The following CTNNA2 variants were observed in gnomAD, a reference collection of about 807,000 sequenced individuals.
The protein encoded by CTNNA2 is catenin alpha-2.
In CTNNA2, 42 loss-of-function variants were observed where a neutral mutation model predicts 101.0. The ratio of observed to expected loss-of-function variants is 0.42; its 90% CI spans 0.32 to 0.54. The LOEUF (loss-of-function observed/expected upper bound fraction) is 0.54, where lower values mean the gene tolerates loss of function less well. Among genes scored for constraint, CTNNA2 ranks in the 20% least tolerant of loss-of-function variants. The pLI is 0.14. For synonymous variants in CTNNA2, 450 were observed against 456.4 expected, an observed-to-expected ratio of 0.99 and a Z score of 0.18; for missense variants, 871 against 1,223.1, an observed-to-expected ratio of 0.71 and a Z score of 4.29.
chr2:79,706,469 A>G (rs11902209), intron 2 of CTNNA2, among the ~76,000 whole-genome samples: 83,121 of 151,462 alleles, frequency 0.55, 23,171 homozygotes, highest in East Asian at 0.82. Context: ...ACCTTTCACC[A>G]ACAAAGATTC....
intron 7 of CTNNA2, among the ~76,000 whole-genome samples, chr2:80,192,477 A>C (rs140639838): frequency 7.9e-5 from 12 of 152,190 alleles, no homozygotes; most frequent in African/African-American, 2.9e-4. Flanking sequence ...CTGATTAATG[A>C]GAATAGTAAA....
chr2:80,220,579 TAAGAA>T (rs942453357), intron 7 of CTNNA2, among the ~76,000 whole-genome samples: 11 of 152,146 alleles, frequency 7.2e-5, no homozygotes, highest in African/African-American at 2.7e-4. Flanking sequence ...ATTAAAGAGT[TAAGAA>T]AAGATTCCTT....
intron 4 of CTNNA2, among the ~76,000 whole-genome samples, chr2:79,865,819 A>G (rs955662089): frequency 1.3e-5 from 2 of 152,222 alleles, no homozygotes; most frequent in African/African-American, 4.8e-5. Context: ...TCCCGGGTTC[A>G]TGCCATTCTG....
At chr2:80,380,711 G>A (rs2149348455) in intron 7 of CTNNA2, among the ~76,000 whole-genome samples, 1 of 152,294 alleles carries the variant, frequency 6.6e-6, no homozygotes, top group East Asian at 1.9e-4. Flanking sequence ...ATTCCATGCA[G>A]ACCTAGCAAA....
chr2:79,588,520 C>T (rs1330909517), intron 1 of CTNNA2, among the ~76,000 whole-genome samples: 1 of 152,050 alleles, frequency 6.6e-6, no homozygotes, highest in Non-Finnish European at 1.5e-5. Context: ...TTTCTTATAA[C>T]TAAATGATAT....
At chr2:79,187,996 G>T (rs1459759534) in intron 1 of CTNNA2, among the ~76,000 whole-genome samples, 2 of 152,042 alleles carry the variant, frequency 1.3e-5, no homozygotes, top group African/African-American at 4.8e-5. Flanking sequence ...AAGATCATAA[G>T]CCCAGTTAAC....
At chr2:79,526,658 C>A (rs1470811550) in intron 1 of CTNNA2, among the ~76,000 whole-genome samples, 1 of 151,856 alleles carries the variant, frequency 6.6e-6, no homozygotes, top group African/African-American at 2.4e-5. Context: ...TTGAGCATTC[C>A]GAAATAAACC....
chr2:80,097,539 T>G (rs1355068703), intron 7 of CTNNA2, among the ~76,000 whole-genome samples: 2 of 152,158 alleles, frequency 1.3e-5, no homozygotes, highest in Non-Finnish European at 2.9e-5. Context: ...TTTCCTGAAT[T>G]TGAATGTTGG....
At chr2:80,573,095 A>T (rs1362889410) in intron 12 of CTNNA2, 1 of 152,246 alleles carries the variant, frequency 6.6e-6, no homozygotes, top group East Asian at 1.9e-4. Flanking sequence ...ATCAGGCATG[A>T]AAGTTCAGGA....
At chr2:80,637,364 G>A (rs942865504) in intron 18 of CTNNA2, among the ~76,000 whole-genome samples, 2 of 151,650 alleles carry the variant, frequency 1.3e-5, no homozygotes, top group Non-Finnish European at 3.0e-5. Context: ...GTTCAAGATC[G>A]TGTAGTTAGT....
chr2:80,010,218 C>T (rs1403278317), intron 7 of CTNNA2, among the ~76,000 whole-genome samples: 1 of 152,186 alleles, frequency 6.6e-6, no homozygotes, highest in African/African-American at 2.4e-5. Flanking sequence ...TTGAGTGTCA[C>T]TTGCACCTCC....
intron 7 of CTNNA2, among the ~76,000 whole-genome samples, chr2:80,121,268 A>T (rs1044199054): frequency 1.3e-5 from 2 of 152,188 alleles, no homozygotes; most frequent in African/African-American, 4.8e-5. Flanking sequence ...CAGCTCTACC[A>T]CTTATTAGTT....
At chr2:80,305,401 G>A in intron 7 of CTNNA2, 1 of 982,968 alleles carries the variant, frequency 1.0e-6, no homozygotes, top group Non-Finnish European at 1.2e-6. Context: ...ATGGGGTACA[G>A]AGTGGATTAA....
At chr2:79,632,644 G>A (rs1679767831) in intron 1 of CTNNA2, among the ~76,000 whole-genome samples, 2 of 152,198 alleles carry the variant, frequency 1.3e-5, no homozygotes, top group Admixed American at 1.3e-4. Flanking sequence ...TAGGATCACT[G>A]TTGGTATTTT....
intron 7 of CTNNA2, among the ~76,000 whole-genome samples, chr2:80,124,859 C>T (rs1405031905): frequency 3.3e-5 from 5 of 152,036 alleles, no homozygotes; most frequent in South Asian, 2.1e-4. Flanking sequence ...AGAAACATGT[C>T]GAGGTCACTG....
intron 1 of CTNNA2, among the ~76,000 whole-genome samples, chr2:79,592,298 A>G (rs1039500862): frequency 1.3e-5 from 2 of 150,086 alleles, no homozygotes; most frequent in African/African-American, 4.9e-5. Context: ...TTTTTTTTTT[A>G]ATTTTGTATT....
At chr2:80,555,479 C>T (rs372184155) in intron 11 of CTNNA2, among the ~76,000 whole-genome samples, 4 of 152,314 alleles carry the variant, frequency 2.6e-5, no homozygotes, top group East Asian at 3.9e-4. Flanking sequence ...TGGCACCTAG[C>T]GATCTATGTG....
intron 7 of CTNNA2, among the ~76,000 whole-genome samples, chr2:80,180,837 C>T (rs916080349): frequency 6.6e-6 from 1 of 152,174 alleles, no homozygotes; most frequent in African/African-American, 2.4e-5. Flanking sequence ...GCAGCTTGCT[C>T]ACAGTGGCTT....
intron 7 of CTNNA2, among the ~76,000 whole-genome samples, chr2:80,227,988 G>T (rs1022271602): frequency 2.0e-5 from 3 of 151,748 alleles, no homozygotes; most frequent in African/African-American, 7.3e-5. Flanking sequence ...CCTAAAATAT[G>T]CCCTTTGATA....
Sources: allele counts gnomAD v4.1 joint callset (sites outside exome capture counted in the v4.1 genomes callset), GRCh38; gene constraint gnomAD v4.1.1; transcripts MANE v1.5; gene names NCBI Gene and HGNC (gene_info 2026-07-23, HGNC 2026-07-21).